Variants in ARHGAP10 observed in about 807,000 individuals in gnomAD.
ARHGAP10 encodes Rho GTPase activating protein 10.
A neutral mutation model predicts 108.6 loss-of-function variants in ARHGAP10; 87 were observed. The ratio of observed to expected loss-of-function variants is 0.80; its 90% CI spans 0.67 to 0.96. ARHGAP10 has a LOEUF of 0.96. Ranked by LOEUF, ARHGAP10 falls within the 40% of genes least tolerant of loss-of-function variation. ARHGAP10 has a pLI of 0.00. For synonymous variants in ARHGAP10, 347 were observed against 341.1 expected, an observed-to-expected ratio of 1.02 and a Z score of -0.19; for missense variants, 939 against 954.5, an observed-to-expected ratio of 0.98 and a Z score of 0.21.
chr4:147,891,883 G>A (rs531119593), intron 10 of ARHGAP10, among the ~76,000 whole-genome samples: 2 of 151,846 alleles, frequency 1.3e-5, no homozygotes, highest in East Asian at 3.9e-4. Flanking sequence ...CCCTTCCCCC[G>A]CCCCAACAAT....
At chr4:147,734,063 G>C (rs1434662203) in intron 1 of ARHGAP10, among the ~76,000 whole-genome samples, 4 of 152,044 alleles carry the variant, frequency 2.6e-5, no homozygotes, top group Non-Finnish European at 4.4e-5. Context: ...GGGAGCGGGG[G>C]TGCAGAGTGA....
At chr4:148,022,905 T>G (rs1741622984) in intron 18 of ARHGAP10, 1 of 159,694 alleles carries the variant, frequency 6.3e-6, no homozygotes, top group South Asian at 2.0e-4. Context: ...TCCATAAAAT[T>G]TAATGGAATA....
chr4:147,980,285 A>G (rs535481484), intron 18 of ARHGAP10, among the ~76,000 whole-genome samples: 5 of 152,156 alleles, frequency 3.3e-5, no homozygotes, highest in Admixed American at 6.5e-5. Flanking sequence ...TTCTGTGTCT[A>G]TTGAGATGAT....
At chr4:147,984,358 C>T (rs1047508724) in intron 18 of ARHGAP10, among the ~76,000 whole-genome samples, 2 of 152,226 alleles carry the variant, frequency 1.3e-5, no homozygotes, top group Non-Finnish European at 2.9e-5. Flanking sequence ...ACTGCCAAGT[C>T]CGCCACAGCA....
At chr4:147,898,464 T>G (rs886760250) in intron 10 of ARHGAP10, among the ~76,000 whole-genome samples, 1 of 152,082 alleles carries the variant, frequency 6.6e-6, no homozygotes, top group Non-Finnish European at 1.5e-5. Context: ...TATGATTTTT[T>G]TTTTTGCCTT....
At chr4:148,064,056 G>T (rs900866308) in intron 21 of ARHGAP10, among the ~76,000 whole-genome samples, 3 of 152,162 alleles carry the variant, frequency 2.0e-5, no homozygotes, top group Admixed American at 6.5e-5. Flanking sequence ...CTCCAGGTGC[G>T]TGTGCTTTTC....
At chr4:147,971,427 G>A (rs964491331) in intron 18 of ARHGAP10, among the ~76,000 whole-genome samples, 1 of 152,144 alleles carries the variant, frequency 6.6e-6, no homozygotes, top group African/African-American at 2.4e-5. Flanking sequence ...GAGAATAAGC[G>A]CTTTGAGAGA....
At chr4:147,906,071 A>G (rs1487572716) in intron 10 of ARHGAP10, among the ~76,000 whole-genome samples, 2 of 152,158 alleles carry the variant, frequency 1.3e-5, no homozygotes, top group Admixed American at 6.5e-5. Flanking sequence ...TGATTTTTGT[A>G]CATTGATTTT....
chr4:147,859,022 C>T (rs1242585739), intron 5 of ARHGAP10, among the ~76,000 whole-genome samples: 2 of 152,140 alleles, frequency 1.3e-5, no homozygotes, highest in South Asian at 2.1e-4. Context: ...AATGGCTTCT[C>T]CAGAGGCCCC....
chr4:147,897,966 G>C (rs1479821447), intron 10 of ARHGAP10, among the ~76,000 whole-genome samples: 1 of 152,050 alleles, frequency 6.6e-6, no homozygotes, highest in Non-Finnish European at 1.5e-5. Context: ...CCATTCTCCT[G>C]CCTCAGCCTC....
chr4:147,854,224 GTGT>G (rs1168795807), intron 4 of ARHGAP10, among the ~76,000 whole-genome samples: 1 of 152,058 alleles, frequency 6.6e-6, no homozygotes, highest in African/African-American at 2.4e-5. Context: ...TGGCTTCCTC[GTGT>G]TGTTACAATT....
chr4:147,932,912 G>A (rs1160912248), intron 13 of ARHGAP10, among the ~76,000 whole-genome samples: 2 of 152,166 alleles, frequency 1.3e-5, no homozygotes, highest in East Asian at 3.8e-4. Context: ...CTTTTAACAT[G>A]TGAAATATGA....
chr4:148,040,025 TTG>T (rs1728562280), intron 19 of ARHGAP10, among the ~76,000 whole-genome samples: 1 of 152,330 alleles, frequency 6.6e-6, no homozygotes, highest in Non-Finnish European at 1.5e-5. Context: ...GAGGATTTTT[TTG>T]TGTGTATGCA....
At chr4:148,043,787 T>C (rs1728758965) in intron 19 of ARHGAP10, among the ~76,000 whole-genome samples, 1 of 146,908 alleles carries the variant, frequency 6.8e-6, no homozygotes, top group Non-Finnish European at 1.5e-5. Flanking sequence ...TATATATATA[T>C]GTATATATAT....
At chr4:147,842,827 C>G (rs1242180900) in intron 3 of ARHGAP10, among the ~76,000 whole-genome samples, 1 of 152,186 alleles carries the variant, frequency 6.6e-6, no homozygotes, top group African/African-American at 2.4e-5. Context: ...GGGATGAACT[C>G]AGCCACCCAC....
At chr4:147,814,515 C>T (rs1732156359) in intron 1 of ARHGAP10, among the ~76,000 whole-genome samples, 1 of 152,026 alleles carries the variant, frequency 6.6e-6, no homozygotes, top group Non-Finnish European at 1.5e-5. Flanking sequence ...TTGCTTTGGG[C>T]CCTAAGTGTA....
Position 147,847,191 on chromosome 4 carries a change from A to C in ARHGAP10, c.353A>C (p.Lys118Thr), listed in dbSNP as rs1733669429. The C allele has an allele frequency of 6.2e-7, 1 of 1,613,476 alleles. No individual in the cohort carries two copies. The highest frequency in any genetic ancestry group is 1.7e-5 in the Admixed American group (1 of 59,996). Residue 118 changes from lysine (K) to threonine (T), a missense_variant, in exon 4 of 23, where the codon AAA becomes ACA. Lys to Thr is a moderately conservative substitution (Grantham distance 78). Transcript: ENST00000336498. ...GAAACCCTGATTAAACCCTTGGAAA[A>C]ATTCAGAAAAGAGCAACTTGGAGCT... ...VTETLIKPLE[K>T]FRKEQLGAVK...
chr4:148,043,796 A>G (rs918180389), intron 19 of ARHGAP10, among the ~76,000 whole-genome samples: 2 of 146,224 alleles, frequency 1.4e-5, no homozygotes, highest in Non-Finnish European at 3.0e-5. Flanking sequence ...ATGTATATAT[A>G]TATGCATTCA....
At chr4:147,950,101 C>G (rs1354164308) in intron 15 of ARHGAP10, among the ~76,000 whole-genome samples, 1 of 152,132 alleles carries the variant, frequency 6.6e-6, no homozygotes, top group Non-Finnish European at 1.5e-5. Flanking sequence ...TATTATATAA[C>G]TTCACTTCTA....
Sources: gnomAD v4.1 joint callset for allele counts (sites outside exome capture counted in the v4.1 genomes callset) on GRCh38, gnomAD v4.1.1 for gene constraint, MANE v1.5 for transcripts, NCBI Gene and HGNC (gene_info 2026-07-23, HGNC 2026-07-21) for gene names.